Variants in TBC1D16 observed in about 807,000 individuals in gnomAD.
The protein encoded by TBC1D16 is TBC1 domain family member 16, also known as CTD-2529O21.1.
In TBC1D16, 58 loss-of-function variants were observed where a neutral mutation model predicts 74.7. The observed-to-expected ratio is 0.78, with a 90% CI of 0.63 to 0.97. The LOEUF (loss-of-function observed/expected upper bound fraction) is 0.97, where lower values mean the gene tolerates loss of function less well. TBC1D16 is among the 50% of genes least tolerant of loss of function. The pLI, the probability that TBC1D16 is intolerant of heterozygous loss-of-function variation, is 0.00. For missense variants in TBC1D16, 1,014 were observed against 1,079.5 expected, an observed-to-expected ratio of 0.94 and a Z score of 0.85; for synonymous variants, 493 against 474.7, an observed-to-expected ratio of 1.04 and a Z score of -0.50.
chr17:80,014,499 C>G (rs1459628393), intron 1 of TBC1D16, among the ~76,000 whole-genome samples: 1 of 152,046 alleles, frequency 6.6e-6, no homozygotes, highest in Non-Finnish European at 1.5e-5. Context: ...AACCAAAGAA[C>G]TGATAAATAT....
intron 1 of TBC1D16, among the ~76,000 whole-genome samples, chr17:80,029,239 A>T (rs2036692541): frequency 6.6e-6 from 1 of 152,080 alleles, no homozygotes; most frequent in Non-Finnish European, 1.5e-5. Flanking sequence ...GGGCTGGAGT[A>T]GGGGGAGCTG....
chr17:79,946,391 C>T (rs1251391815), intron 9 of TBC1D16, among the ~76,000 whole-genome samples: 1 of 152,238 alleles, frequency 6.6e-6, no homozygotes, highest in Non-Finnish European at 1.5e-5. Context: ...GGAGCTCAGG[C>T]GGGAATGCTC....
chr17:79,960,929 T>C (rs754572500), intron 3 of TBC1D16, among the ~76,000 whole-genome samples: 5 of 151,860 alleles, frequency 3.3e-5, no homozygotes, highest in Non-Finnish European at 5.9e-5. Context: ...CAGTGTCTTA[T>C]AAAGTCACAC....
In TBC1D16 at chr17:79,939,975, G is replaced by GTGCA. The variant is rs1283220210; in HGVS notation, c.*880_*883dup. ...TGCAAACACAAACACGCACGCACGT[G>GTGCA]TGCATGCATGCATGCACGCAGGGAC... On this transcript the variant is annotated 3_prime_UTR_variant, in exon 12 of 12. Transcript: ENST00000310924. 6.6e-6 allele frequency: 1 copy of GTGCA among 152,168 alleles called. No homozygotes were observed. The highest frequency in any genetic ancestry group is 1.9e-4 in the East Asian group (1 of 5,180). 9.4% of individuals were successfully genotyped at this position (152,168 alleles called of 1,614,324 possible). A position where few individuals can be genotyped will look rare whatever the true frequency, so the allele number is the denominator to read the frequency against.
In TBC1D16 at chr17:79,999,234, C is replaced by T. The variant is rs146848666; in HGVS notation, c.779+10926G>A. Among the ~76,000 whole-genome samples the T allele has an allele frequency of 7.5e-3, 1,132 of 150,536 alleles. 14 individuals carry two copies. Among genetic ancestry groups the T allele is most frequent in the African/African-American group, 0.027 (1,084 of 40,876 alleles). The stretch of plus-strand genomic sequence containing the variant: ...TCACACCACTGCACTCCAGCCTGGG[C>T]GAGAGAGTGAGACACTGTCTCAAAA... On this transcript the variant is annotated intron_variant, in intron 3 of 11. Transcript: ENST00000310924.
At position 79,944,914 on chromosome 17, in the gene TBC1D16, G is replaced by A. The variant is rs1321422674; in HGVS notation, c.1902C>T (p.His634=). The change falls in exon 10 of 12, where the codon CAC becomes CAT. Residue 634 remains histidine, a synonymous_variant. Coordinates refer to ENST00000310924, the MANE Select transcript of TBC1D16 (RefSeq NM_019020.4). The surrounding 1 kb of genome is among the most constrained non-coding windows in gnomAD (Gnocchi z 7.7). ...ALRIWEACWA[H]YQTDYFHLFI... is the part of the protein sequence containing the mutation. ...TGGCCCCTGCCCTGGTCACCTGGTA[G>A]TGGGCCCAGCAGGCCTCCCAGATCC... 1.9e-6 allele frequency: 3 copies of A among 1,550,298 alleles called. No individual in the cohort carries two copies. Among genetic ancestry groups the A allele is most frequent in the Non-Finnish European group, 2.6e-6 (3 of 1,147,038 alleles).
At chr17:79,989,068 C>CA (rs1459934797) in intron 3 of TBC1D16, among the ~76,000 whole-genome samples, 2 of 152,340 alleles carry the variant, frequency 1.3e-5, no homozygotes, top group East Asian at 3.9e-4. Flanking sequence ...GTCCAAGATA[C>CA]AAACACAAAC....
rs930552839 is a variant in TBC1D16 at position 80,035,096 on chromosome 17, T to C, written c.-63+699A>G. On this transcript the variant is annotated intron_variant, in intron 1 of 11. Transcript: ENST00000310924. The surrounding 1 kb of genome is among the most constrained non-coding windows in gnomAD (Gnocchi z 5.3). ...AATCTGAACTACTTTGTGGCCAATA[T>C]ACGACACCAGCTTCCGAGTGTGGGA... Among the ~76,000 whole-genome samples, 4 of 152,250 alleles carry C rather than the reference T, an allele frequency of 2.6e-5. No individual in the cohort carries two copies. The highest frequency in any genetic ancestry group is 3.8e-4 in the East Asian group (2 of 5,196).
rs990751620 is a variant in TBC1D16 at position 79,986,209 on chromosome 17, G to A, written c.779+23951C>T. ...AAGTGCGGGAGGGAGGGCAGGAGGC[G>A]GCAAGCATGGGTGCTGGGTCCACCT... On this transcript the variant is annotated intron_variant, in intron 3 of 11. Transcript: ENST00000310924. The surrounding 1 kb of genome is among the most constrained non-coding windows in gnomAD (Gnocchi z 6.0). Among the ~76,000 whole-genome samples the A allele has an allele frequency of 3.9e-5, 6 of 152,148 alleles. No individual in the cohort carries two copies. The highest frequency in any genetic ancestry group is 1.2e-4 in the African/African-American group (5 of 41,444).
intron 1 of TBC1D16, among the ~76,000 whole-genome samples, chr17:80,023,657 G>GCCCCCCCCCCCCC (rs200450567): frequency 1.4e-5 from 2 of 144,314 alleles, no homozygotes; most frequent in Admixed American, 6.7e-5. Context: ...CTGCTGCCGG[G>GCCCCCCCCCCCCC]CCCCCCCCCA....
chr17:79,988,945 A>T lies in TBC1D16; in HGVS notation c.779+21215T>A, dbSNP rs1379547061. Among the ~76,000 whole-genome samples, 1 of 152,174 alleles carries T rather than the reference A, an allele frequency of 6.6e-6. No individual in the cohort carries two copies. Among genetic ancestry groups the T allele is most frequent in the Non-Finnish European group, 1.5e-5 (1 of 68,038 alleles). ...CCCAGGCCCTCCCTCAGGACCCAGC[A>T]CCTTCAGTCCTCCTGCCGAGAAGAA... On this transcript the variant is annotated intron_variant, in intron 3 of 11. Coordinates refer to ENST00000310924, the MANE Select transcript of TBC1D16 (RefSeq NM_019020.4). The surrounding 1 kb of genome is among the most constrained non-coding windows in gnomAD (Gnocchi z 5.7).
At chr17:79,976,916 C>A (rs916965161) in intron 3 of TBC1D16, among the ~76,000 whole-genome samples, 1 of 152,224 alleles carries the variant, frequency 6.6e-6, no homozygotes, top group Non-Finnish European at 1.5e-5. Flanking sequence ...CTTCACGCAG[C>A]CCAGGTGAGG....
At chr17:80,033,799 G>A (rs1458864621) in intron 1 of TBC1D16, among the ~76,000 whole-genome samples, 1 of 152,214 alleles carries the variant, frequency 6.6e-6, no homozygotes, top group Non-Finnish European at 1.5e-5. Context: ...CCTGAAGCCT[G>A]GGGGATGCTT....
intron 7 of TBC1D16, 39 bp downstream of exon 7, chr17:79,949,678 C>T: frequency 6.3e-7 from 1 of 1,581,800 alleles, no homozygotes; most frequent in Non-Finnish European, 8.6e-7. Flanking sequence ...TTTTCCTCCG[C>T]GGCTCGGCGG....
At chr17:80,023,664 C>CA (rs1360588326) in intron 1 of TBC1D16, among the ~76,000 whole-genome samples, 9 of 141,222 alleles carry the variant, frequency 6.4e-5, no homozygotes, top group Middle Eastern at 3.6e-3. Context: ...CGGGCCCCCC[C>CA]CCACCGGCTC....
intron 1 of TBC1D16, among the ~76,000 whole-genome samples, chr17:80,014,594 G>C (rs1303230840): frequency 6.6e-6 from 1 of 152,008 alleles, no homozygotes; most frequent in African/African-American, 2.4e-5. Flanking sequence ...TACTGAGGAT[G>C]AGGGAAAGGG....
chr17:79,953,804 C>T (rs2033199118), intron 3 of TBC1D16, among the ~76,000 whole-genome samples: 1 of 151,506 alleles, frequency 6.6e-6, no homozygotes, highest in Non-Finnish European at 1.5e-5. Context: ...CGGAGTCTCG[C>T]TCTGTCACCC....
At chr17:80,024,646 CAT>C (rs1354375265) in intron 1 of TBC1D16, among the ~76,000 whole-genome samples, 4 of 128,734 alleles carry the variant, frequency 3.1e-5, no homozygotes, top group Admixed American at 7.7e-5. Flanking sequence ...CCACACACAC[CAT>C]AGACATACAC....
chr17:80,021,405 A>G (rs1309766688), intron 1 of TBC1D16, among the ~76,000 whole-genome samples: 1 of 149,696 alleles, frequency 6.7e-6, no homozygotes, highest in East Asian at 1.9e-4. Context: ...GGCTGCATTG[A>G]GCCATGATTG....
Sources: gnomAD v4.1 joint callset for allele counts (sites outside exome capture counted in the v4.1 genomes callset) on GRCh38, gnomAD v4.1.1 for gene constraint, Gnocchi (gnomAD v3.1) non-coding constraint, MANE v1.5 for transcripts, NCBI Gene and HGNC (gene_info 2026-07-23, HGNC 2026-07-21) for gene names.